The following SLC29A3 variants were observed in gnomAD, a reference collection of about 807,000 sequenced individuals.
The protein encoded by SLC29A3 is equilibrative nucleoside transporter 3.
In SLC29A3, 18 loss-of-function variants were observed where a neutral mutation model predicts 25.4. The observed-to-expected ratio is 0.71, with a 90% confidence interval of 0.49 to 1.05. The LOEUF is 1.05. Ranked by LOEUF, SLC29A3 falls within the 50% of genes least tolerant of loss-of-function variation. SLC29A3 has a pLI of 0.00. For missense variants in SLC29A3, 586 were observed against 609.0 expected, an observed-to-expected ratio of 0.96 and a Z score of 0.40; for synonymous variants, 258 against 267.1, an observed-to-expected ratio of 0.97 and a Z score of 0.33.
In SLC29A3 at chr10:71,322,654, A is replaced by AG. The variant is rs1386376821; in HGVS notation, c.2-97dup. 3 of 1,365,448 alleles carry AG rather than the reference A, an allele frequency of 2.2e-6. No homozygotes were observed. The African/African-American group carries it at 4.3e-5, about 20-fold the overall frequency. The allele number at this position is 1,365,448 out of a possible 1,614,324, so 84.6% of individuals were successfully genotyped here. A position where few individuals can be genotyped will look rare whatever the true frequency, so the allele number is the denominator to read the frequency against. ...TGGTGACTTTACAGAGCCCAGGGTGAGGGGGCATGGTCATTTTGTAGGCTG... is the reference window on the plus strand; with the variant it reads ...TGGTGACTTTACAGAGCCCAGGGTGAGGGGGGCATGGTCATTTTGTAGGCTG... On this transcript the variant is annotated intron_variant, in intron 1 of 5. Transcript: ENST00000373189.
At chr10:71,334,888 T>C (rs2131812932) in intron 2 of SLC29A3, among the ~76,000 whole-genome samples, 1 of 152,252 alleles carries the variant, frequency 6.6e-6, no homozygotes, top group Non-Finnish European at 1.5e-5. Context: ...ATTTGTATTT[T>C]AGTTTTATTG....
rs7911708 is a variant in SLC29A3, at chr10:71,344,943, T to A, written c.383+652T>A. 3.8e-3 allele frequency among the ~76,000 whole-genome samples: 583 copies of A among 152,350 alleles called. 4 individuals are homozygous for A. The highest frequency in any genetic ancestry group is 0.013 in the African/African-American group (560 of 41,582). ...TGGTCGGTCCAGAAACCTGGGCTGC[T>A]GTTCGCCATGGCCTACTAAAACCTG... On this transcript the variant is annotated intron_variant, in intron 3 of 5. Transcript: ENST00000373189.
downstream of SLC29A3, chr10:71,364,724 C>G (rs1847153105): frequency 6.6e-6 from 1 of 152,248 alleles, no homozygotes; most frequent in Non-Finnish European, 1.5e-5. Context: ...CCGTCTCAGC[C>G]TAGTACACAT....
In SLC29A3 at chr10:71,328,244, C is replaced by T. The variant is rs189323139; in HGVS notation, c.300+5190C>T. On this transcript the variant is annotated intron_variant, in intron 2 of 5. Transcript: ENST00000373189. The stretch of plus-strand genomic sequence containing the variant: ...CTACTGATGCCCCTGTCCATCCCCC[C>T]ATCTGACCAGGAGGTACCCCAACAC... 3.9e-5 allele frequency among the ~76,000 whole-genome samples: 6 copies of T among 152,320 alleles called. No individual in the cohort carries two copies. The East Asian group carries it at 7.7e-4, about 20-fold the overall frequency.
intron 3 of SLC29A3, among the ~76,000 whole-genome samples, chr10:71,345,300 ACT>A (rs1283951875): frequency 6.6e-6 from 1 of 152,094 alleles, no homozygotes; most frequent in African/African-American, 2.4e-5. Flanking sequence ...CAGCTGTCAT[ACT>A]CTCTCCTGCA....
In SLC29A3 at chr10:71,362,436, G is replaced by A. The variant is rs753001378; in HGVS notation, c.1256G>A (p.Ser419Asn). 6.2e-7 allele frequency: 1 copy of A among 1,614,178 alleles called. No individual in the cohort carries two copies. Among genetic ancestry groups the A allele is most frequent in the East Asian group, 2.2e-5 (1 of 44,868 alleles). Residue 419 changes from serine to asparagine, a missense_variant, in exon 6 of 6, where the codon AGC (serine) becomes AAC (asparagine). By Grantham distance (46) the Ser-to-Asn change is conservative. Transcript: ENST00000373189. ...FQSDVYPALL[S>N]SLLGLSNGYL... is the part of the protein sequence containing the mutation. ...TCCGATGTGTACCCCGCACTCCTCA[G>A]CTCCCTGCTGGGGCTCAGCAACGGC...
In SLC29A3 at chr10:71,362,257, C is replaced by A; in HGVS notation, c.1077C>A (p.Asp359Glu). ...LTTFLLYNFA[D>E]LCGRQLTAWI... ...CCTTCCTCCTGTACAACTTTGCTGA[C>A]CTATGTGGCCGGCAGCTCACCGCCT... The change falls in exon 6 of 6, where the codon GAC becomes GAA. Residue 359 changes from aspartate (D) to glutamate (E), a missense_variant. By Grantham distance (45) the Asp-to-Glu change is conservative. Coordinates refer to ENST00000373189, the MANE Select transcript of SLC29A3 (RefSeq NM_018344.6). 1 of 1,614,176 alleles carries A rather than the reference C, an allele frequency of 6.2e-7. No homozygotes were observed. The highest frequency in any genetic ancestry group is 8.5e-7 in the Non-Finnish European group (1 of 1,180,030).
At position 71,362,465 on chromosome 10, in the gene SLC29A3, C is replaced by T; in HGVS notation, c.1285C>T (p.Leu429Phe). The change falls in exon 6 of 6, where the codon CTC (leucine) becomes TTC (phenylalanine). Residue 429 changes from leucine (L) to phenylalanine (F), a missense_variant. By Grantham distance (22) the Leu-to-Phe change is conservative. Transcript: ENST00000373189. ...CCTGCTGGGGCTCAGCAACGGCTAC[C>T]TCAGCACCCTGGCCCTCCTCTACGG... Reference protein sequence around the residue: ...SSLLGLSNGYLSTLALLYGPK... With the variant: ...SSLLGLSNGYFSTLALLYGPK... 6.2e-7 allele frequency: 1 copy of T among 1,614,220 alleles called. No homozygotes were observed. The highest frequency in any genetic ancestry group is 2.2e-5 in the East Asian group (1 of 44,874).
intron 5 of SLC29A3, among the ~76,000 whole-genome samples, chr10:71,357,867 C>G (rs1178872631): frequency 6.6e-6 from 1 of 152,228 alleles, no homozygotes; most frequent in East Asian, 1.9e-4. Flanking sequence ...CCCCATTTAA[C>G]AGGTGAGGAA....
chr10:71,359,737 G>T (rs111372222), intron 5 of SLC29A3, among the ~76,000 whole-genome samples: 1 of 152,146 alleles, frequency 6.6e-6, no homozygotes, highest in Admixed American at 6.5e-5. Context: ...CCAGAGAGGG[G>T]TGTGCCTGGC....
At chr10:71,377,459 A>C (rs1847261502) in intron 4 of SLC29A3, among the ~76,000 whole-genome samples, 1 of 151,846 alleles carries the variant, frequency 6.6e-6, no homozygotes, top group Non-Finnish European at 1.5e-5. Flanking sequence ...GCAAACAGCC[A>C]CCGGCCACGA....
intron 5 of SLC29A3, 107 bp from the exon 6 acceptor site, chr10:71,361,847 G>A (rs529370881): frequency 2.1e-5 from 28 of 1,341,242 alleles, no homozygotes; most frequent in Middle Eastern, 2.4e-4. Context: ...CGGGGCTTGG[G>A]CTCTCCATGC....
chr10:71,347,958 C>CT (rs1846637132), intron 3 of SLC29A3, among the ~76,000 whole-genome samples: 1 of 152,320 alleles, frequency 6.6e-6, no homozygotes, highest in African/African-American at 2.4e-5. Context: ...TCCTGCTGGA[C>CT]TTTTTCCTGG....
chr10:71,361,351 A>G (rs780918016), intron 5 of SLC29A3, among the ~76,000 whole-genome samples: 2 of 152,138 alleles, frequency 1.3e-5, no homozygotes, highest in Admixed American at 6.5e-5. Context: ...TTGTAGAGAC[A>G]GAGTTTCACT....
At chr10:71,351,217 C>T (rs1267346789) in intron 3 of SLC29A3, among the ~76,000 whole-genome samples, 1 of 152,218 alleles carries the variant, frequency 6.6e-6, no homozygotes, top group Non-Finnish European at 1.5e-5. Flanking sequence ...CCTTGAACCT[C>T]ACAGCAAGGT....
At chr10:71,321,496 G>A (rs1405318924) in intron 1 of SLC29A3, among the ~76,000 whole-genome samples, 1 of 152,216 alleles carries the variant, frequency 6.6e-6, no homozygotes, top group African/African-American at 2.4e-5. Flanking sequence ...TTATCAAGCT[G>A]CTGCCACATC....
chr10:71,377,415 C>G (rs535597121), intron 4 of SLC29A3, among the ~76,000 whole-genome samples: 13 of 152,348 alleles, frequency 8.5e-5, no homozygotes, highest in African/African-American at 3.1e-4. Flanking sequence ...CTCCTAGAGC[C>G]AGGGACTGGA....
chr10:71,330,904 A>G (rs1564528089), intron 2 of SLC29A3, among the ~76,000 whole-genome samples: 1 of 151,352 alleles, frequency 6.6e-6, no homozygotes, highest in Non-Finnish European at 1.5e-5. Flanking sequence ...TATTATACCC[A>G]TTATACAGAG....
intron 2 of SLC29A3, among the ~76,000 whole-genome samples, chr10:71,343,683 C>T (rs992215946): frequency 1.3e-5 from 2 of 152,166 alleles, no homozygotes; most frequent in Admixed American, 6.5e-5. Context: ...AGCGGTGCCT[C>T]ATGCCTGTAA....
Sources: allele counts gnomAD v4.1 joint callset (sites outside exome capture counted in the v4.1 genomes callset), GRCh38; gene constraint gnomAD v4.1.1; transcripts MANE v1.5; gene names NCBI Gene and HGNC (gene_info 2026-07-23, HGNC 2026-07-21).